CIMIP1: variants seen among roughly 807,000 people sequenced by gnomAD.
CIMIP1 encodes the protein ciliary microtubule inner protein 1.
At chr20:58,152,722 CAAAAA>C in the CIMIP1 span, among the ~76,000 whole-genome samples, 18 of 84,878 alleles carry the variant, frequency 2.1e-4, no homozygotes, top group East Asian at 2.4e-3. Flanking sequence ...GAAACTCCAT[CAAAAA>C]AAAAAAAAAA....
chr20:58,158,942 G>A, the CIMIP1 span, among the ~76,000 whole-genome samples: 9 of 152,128 alleles, frequency 5.9e-5, no homozygotes, highest in Non-Finnish European at 8.8e-5. Context: ...TCTCTTAGAA[G>A]TTTGTCTCAT....
the CIMIP1 span, among the ~76,000 whole-genome samples, chr20:58,158,567 G>A: frequency 5.9e-5 from 9 of 151,922 alleles, no homozygotes; most frequent in East Asian, 1.9e-4. Context: ...GGAGAACGAC[G>A]TGAACCCGGG....
the CIMIP1 span, chr20:58,151,162 G>A: frequency 1.5e-5 from 12 of 824,618 alleles, no homozygotes; most frequent in Middle Eastern, 2.3e-4. Context: ...AGGGGCGTGC[G>A]CTGAGGATGG....
At chr20:58,156,712 A>C in the CIMIP1 span, among the ~76,000 whole-genome samples, 3 of 152,210 alleles carry the variant, frequency 2.0e-5, no homozygotes, top group African/African-American at 7.2e-5. Flanking sequence ...AGCCTGCACC[A>C]CGGCGGACAT....
chr20:58,152,632 G>C, the CIMIP1 span, among the ~76,000 whole-genome samples: 1 of 144,322 alleles, frequency 6.9e-6, no homozygotes, highest in Non-Finnish European at 1.5e-5. Context: ...TGAGGCAGGA[G>C]AATTGCTTGA....
chr20:58,150,932 G>C, the CIMIP1 span: 1 of 1,584,820 alleles, frequency 6.3e-7, no homozygotes. Context: ...CCCAGGGCCA[G>C]AGCTTGCGGG....
At chr20:58,160,058 T>C in the CIMIP1 span, among the ~76,000 whole-genome samples, 4 of 152,214 alleles carry the variant, frequency 2.6e-5, no homozygotes, top group Admixed American at 1.3e-4. Context: ...AACAGATTAT[T>C]TCAAAAGAAG....
chr20:58,157,674 A>C, the CIMIP1 span, among the ~76,000 whole-genome samples: 1 of 152,198 alleles, frequency 6.6e-6, no homozygotes, highest in South Asian at 2.1e-4. Context: ...TTGAGGTTGT[A>C]TCCGGCATGA....
chr20:58,160,530 C>T, the CIMIP1 span: 2 of 885,998 alleles, frequency 2.3e-6, no homozygotes, highest in Non-Finnish European at 3.3e-6. Flanking sequence ...TTGGAATGTG[C>T]TTGTTTTCAG....
At chr20:58,159,336 T>G in the CIMIP1 span, among the ~76,000 whole-genome samples, 3 of 151,920 alleles carry the variant, frequency 2.0e-5, no homozygotes, top group African/African-American at 7.3e-5. Flanking sequence ...ACCAACATGG[T>G]GAAACCCTGT....
chr20:58,155,884 C>A, the CIMIP1 span, among the ~76,000 whole-genome samples: 1 of 152,212 alleles, frequency 6.6e-6, no homozygotes, highest in African/African-American at 2.4e-5. Context: ...AGGGCAGACC[C>A]AGGCAGGGAC....
At chr20:58,157,678 G>C in the CIMIP1 span, among the ~76,000 whole-genome samples, 1 of 152,108 alleles carries the variant, frequency 6.6e-6, no homozygotes, top group African/African-American at 2.4e-5. Context: ...GGTTGTATCC[G>C]GCATGAGATT....
the CIMIP1 span, chr20:58,160,942 T>C: frequency 3.6e-6 from 4 of 1,123,276 alleles, no homozygotes; most frequent in African/African-American, 1.6e-5. Context: ...TACTTGCTCA[T>C]GGGATGTTGC....
chr20:58,153,426 C>A, the CIMIP1 span: 1 of 749,058 alleles, frequency 1.3e-6, no homozygotes, highest in Non-Finnish European at 2.3e-6. Context: ...TGGCTCCTCA[C>A]TCCGTCCCTG....
chr20:58,159,471 C>T, the CIMIP1 span, among the ~76,000 whole-genome samples: 2 of 151,218 alleles, frequency 1.3e-5, no homozygotes, highest in East Asian at 1.9e-4. Flanking sequence ...ACTGAGATTG[C>T]GCCATTGCAC....
chr20:58,159,451 G>A, the CIMIP1 span, among the ~76,000 whole-genome samples: 131 of 151,536 alleles, frequency 8.6e-4, no homozygotes, highest in African/African-American at 3.0e-3. Flanking sequence ...GGAGGCAGAC[G>A]TTTCAGTGAA....
the CIMIP1 span, among the ~76,000 whole-genome samples, chr20:58,156,130 T>C: frequency 1.3e-5 from 2 of 152,088 alleles, no homozygotes; most frequent in Admixed American, 1.3e-4. Flanking sequence ...AAAACAGTAA[T>C]GAACAAGAAG....
chr20:58,155,524 G>C, the CIMIP1 span: 2 of 1,614,056 alleles, frequency 1.2e-6, no homozygotes, highest in Non-Finnish European at 1.7e-6. Context: ...AGCTTCCTGA[G>C]CGTTTCCGCA....
the CIMIP1 span, chr20:58,153,560 G>A: frequency 6.2e-7 from 1 of 1,614,132 alleles, no homozygotes; most frequent in Non-Finnish European, 8.5e-7. Context: ...CCGTCTGAAG[G>A]CTGAATCGGA....
Sources: gnomAD v4.1 joint callset for allele counts (sites outside exome capture counted in the v4.1 genomes callset) on GRCh38, gnomAD v4.1.1 for gene constraint, MANE v1.5 for transcripts, NCBI Gene and HGNC (gene_info 2026-07-23, HGNC 2026-07-21) for gene names.